FILIP1: variants seen among roughly 807,000 people sequenced by gnomAD.
FILIP1 encodes filamin-A-interacting protein 1.
In FILIP1, 61 loss-of-function variants were observed where a neutral mutation model predicts 102.1. The ratio of observed to expected loss-of-function variants is 0.60; its 90% confidence interval spans 0.49 to 0.74. FILIP1 has a LOEUF of 0.74. Ranked by LOEUF, FILIP1 falls within the 30% of genes least tolerant of loss-of-function variation. FILIP1 has a pLI of 0.00. For missense variants in FILIP1, 1,314 were observed against 1,441.2 expected, an observed-to-expected ratio of 0.91 and a Z score of 1.43; for synonymous variants, 491 against 526.9, an observed-to-expected ratio of 0.93 and a Z score of 0.93.
chr6:75,474,887 G>C (rs1779429765), intron 1 of FILIP1, among the ~76,000 whole-genome samples: 1 of 152,024 alleles, frequency 6.6e-6, no homozygotes, highest in Non-Finnish European at 1.5e-5. Context: ...TCTCATGAGA[G>C]CTGGTCGTTT....
intron 1 of FILIP1, among the ~76,000 whole-genome samples, chr6:75,456,760 A>G (rs111670228): frequency 1.1e-4 from 17 of 152,110 alleles, no homozygotes; most frequent in African/African-American, 3.4e-4. Context: ...GGGTTTCACC[A>G]TGTTGGCCAG....
At chr6:75,477,266 C>A (rs1051828806) in intron 1 of FILIP1, among the ~76,000 whole-genome samples, 2 of 151,900 alleles carry the variant, frequency 1.3e-5, no homozygotes, top group African/African-American at 2.4e-5. Context: ...GGTTACCGGA[C>A]GCTTGGAGTT....
intron 1 of FILIP1, among the ~76,000 whole-genome samples, chr6:75,482,823 C>T (rs1229870121): frequency 6.6e-6 from 1 of 152,112 alleles, no homozygotes; most frequent in Non-Finnish European, 1.5e-5. Context: ...GGAAACTGGT[C>T]ATTAATATTT....
intron 2 of FILIP1, among the ~76,000 whole-genome samples, chr6:75,368,669 A>G (rs951009803): frequency 1.3e-5 from 2 of 152,142 alleles, no homozygotes; most frequent in African/African-American, 4.8e-5. Flanking sequence ...CCACAGAAAG[A>G]AGAGGTAAGG....
chr6:75,468,783 G>T (rs1779246967), intron 1 of FILIP1, among the ~76,000 whole-genome samples: 1 of 151,818 alleles, frequency 6.6e-6, no homozygotes, highest in Non-Finnish European at 1.5e-5. Context: ...CCTATACCTA[G>T]ATATTATATT....
intron 1 of FILIP1, among the ~76,000 whole-genome samples, chr6:75,493,142 A>T (rs2149791504): frequency 6.6e-6 from 1 of 152,366 alleles, no homozygotes. Context: ...TTACCTGCCG[A>T]AGAGCACTAA....
chr6:75,321,278 T>C (rs1773644445), intron 4 of FILIP1, among the ~76,000 whole-genome samples: 3 of 152,072 alleles, frequency 2.0e-5, no homozygotes, highest in African/African-American at 7.2e-5. Context: ...TCACCCACAG[T>C]TGGATCAAAA....
At chr6:75,436,138 C>T (rs1462304661) in intron 1 of FILIP1, among the ~76,000 whole-genome samples, 8 of 151,774 alleles carry the variant, frequency 5.3e-5, no homozygotes, top group African/African-American at 1.9e-4. Flanking sequence ...TTTGGGAGGC[C>T]GAGGCAGGCA....
chr6:75,434,372 T>C (rs907742708), intron 1 of FILIP1, among the ~76,000 whole-genome samples: 2 of 152,256 alleles, frequency 1.3e-5, no homozygotes, highest in Non-Finnish European at 2.9e-5. Flanking sequence ...CGTTGAGCAC[T>C]GGTTTGTAGT....
intron 1 of FILIP1, among the ~76,000 whole-genome samples, chr6:75,466,874 G>A (rs188969678): frequency 6.6e-6 from 1 of 152,112 alleles, no homozygotes; most frequent in Non-Finnish European, 1.5e-5. Context: ...AGCCACATGT[G>A]GTTACTGTAT....
chr6:75,304,999 G>A (rs570001006), downstream of FILIP1, among the ~76,000 whole-genome samples: 15 of 152,324 alleles, frequency 9.8e-5, 1 homozygote, highest in Middle Eastern at 6.8e-3. Context: ...AGCTACAGAG[G>A]ACTGCATAGA....
chr6:75,360,082 A>G (rs1335184413), intron 3 of FILIP1, among the ~76,000 whole-genome samples: 1 of 152,176 alleles, frequency 6.6e-6, no homozygotes, highest in African/African-American at 2.4e-5. Context: ...GCCATTTCCC[A>G]TAATTATTAA....
intron 2 of FILIP1, among the ~76,000 whole-genome samples, chr6:75,365,191 T>C (rs1273193269): frequency 6.6e-6 from 1 of 150,426 alleles, no homozygotes; most frequent in African/African-American, 2.5e-5. Context: ...TACTGTCCTT[T>C]GAAAAAATAA....
At chr6:75,371,403 CCAT>C (rs1775512954) in intron 2 of FILIP1, among the ~76,000 whole-genome samples, 1 of 152,164 alleles carries the variant, frequency 6.6e-6, no homozygotes, top group Non-Finnish European at 1.5e-5. Context: ...TTTGCCACCA[CCAT>C]GATAGCTTGA....
intron 4 of FILIP1, among the ~76,000 whole-genome samples, chr6:75,336,546 C>T (rs1774248885): frequency 6.6e-6 from 1 of 151,752 alleles, no homozygotes; most frequent in African/African-American, 2.4e-5. Flanking sequence ...ACCGATTATA[C>T]AATCAAGCGG....
rs374585988 is a variant in FILIP1, at chr6:75,312,350, G to A, written c.3435+47C>T. Reference sequence around the variant, plus strand: ...GGTGCTGGGTAGTCTCACTACTCACGTCTCCCTCCCTCTGCAGGCCTGCGC... The same window carrying A: ...GGTGCTGGGTAGTCTCACTACTCACATCTCCCTCCCTCTGCAGGCCTGCGC... On this transcript the variant is annotated intron_variant, in intron 5 of 5. Coordinates refer to ENST00000237172, the MANE Select transcript of FILIP1 (RefSeq NM_015687.5). 2.7e-5 allele frequency: 42 copies of A among 1,562,600 alleles called. No individual in the cohort carries two copies. In the Middle Eastern group the frequency reaches 8.6e-4, roughly 32 times the overall value.
At chr6:75,439,004 G>A (rs1778114899) in intron 1 of FILIP1, among the ~76,000 whole-genome samples, 1 of 152,208 alleles carries the variant, frequency 6.6e-6, no homozygotes, top group African/African-American at 2.4e-5. Context: ...TGACCAATGT[G>A]ATAGGCCAAT....
chr6:75,481,883 T>C (rs931113743), intron 1 of FILIP1, among the ~76,000 whole-genome samples: 1 of 152,170 alleles, frequency 6.6e-6, no homozygotes, highest in Non-Finnish European at 1.5e-5. Context: ...TATGAAAAAG[T>C]GTCTGGAAAG....
At position 75,341,498 on chromosome 6, in the gene FILIP1, A is replaced by G. The variant is rs1774419713; in HGVS notation, c.629+12041T>C. ...ATGTTGAGTCCTCCAGTCTTAGAAT[A>G]TGATCCTTTCCATTGGTCTCAGTCT... On this transcript the variant is annotated intron_variant, in intron 4 of 5. Coordinates refer to ENST00000237172, the MANE Select transcript of FILIP1 (RefSeq NM_015687.5). Among the ~76,000 whole-genome samples, 7 of 152,200 alleles carry G rather than the reference A, an allele frequency of 4.6e-5. No individual in the cohort carries two copies. The South Asian group carries it at 1.5e-3, about 32-fold the overall frequency.
Sources: gnomAD v4.1 joint callset for allele counts (sites outside exome capture counted in the v4.1 genomes callset) on GRCh38, gnomAD v4.1.1 for gene constraint, MANE v1.5 for transcripts, NCBI Gene and HGNC (gene_info 2026-07-23, HGNC 2026-07-21) for gene names.